Variants in ABL1 observed in about 807,000 individuals in gnomAD.
ABL1 encodes ABL proto-oncogene 1, non-receptor tyrosine kinase.
ABL1 carries 11 observed loss-of-function variants against 94.7 expected under a neutral mutation model. The observed-to-expected ratio is 0.12, with a 90% CI of 0.07 to 0.19. ABL1 has a LOEUF of 0.19. ABL1 is among the 10% of genes least tolerant of loss of function. The probability of loss-of-function intolerance (pLI) is 1.00; values close to 1 mark genes in which losing one functional copy is unlikely to be tolerated. For missense variants in ABL1, 1,082 were observed against 1,489.4 expected, an observed-to-expected ratio of 0.73 and a Z score of 4.50; for synonymous variants, 656 against 622.4, an observed-to-expected ratio of 1.05 and a Z score of -0.80.
At chr9:130,792,152 A>G (rs1829917113) in intron 1 of ABL1, among the ~76,000 whole-genome samples, 1 of 152,158 alleles carries the variant, frequency 6.6e-6, no homozygotes, top group African/African-American at 2.4e-5. Flanking sequence ...AAGTAGACAC[A>G]GGGTCCCTTG....
chr9:130,884,421 A>C lies in ABL1; in HGVS notation c.2131A>C (p.Lys711Gln), dbSNP rs756330681. Residue 711 changes from lysine to glutamine, a missense_variant, in exon 11 of 11, where the codon AAG becomes CAG. Physicochemically the swap from Lys to Gln is moderately conservative, Grantham distance 53. Around this residue, in one of 7 missense-constraint regions of ABL1, gnomAD observed 780 missense variants for 835.8 expected, o/e 0.93. Coordinates refer to ENST00000318560, the MANE Select transcript of ABL1 (RefSeq NM_005157.6). This position sits in a 1 kb window ranked among gnomAD's most constrained non-coding sequence, Gnocchi z 5.6. ...GEEEGGGSSS[K>Q]RFLRSCSASC... is the part of the protein sequence containing the mutation. ...GGAGGAGGGCGGTGGCAGCTCCAGC[A>C]AGCGCTTCCTGCGCTCTTGCTCCGC... 1.9e-6 allele frequency: 3 copies of C among 1,612,232 alleles called. No individual in the cohort carries two copies. In the Admixed American group the frequency reaches 5.0e-5, roughly 27 times the overall value.
At chr9:130,883,486 A>C (rs1588282517) in intron 10 of ABL1, among the ~76,000 whole-genome samples, 1 of 143,826 alleles carries the variant, frequency 7.0e-6, no homozygotes, top group Non-Finnish European at 1.5e-5. Flanking sequence ...AACAAGCGAG[A>C]CTCCAACTCA....
At chr9:130,736,307 G>A (rs1214495098) in intron 1 of ABL1, among the ~76,000 whole-genome samples, 3 of 151,880 alleles carry the variant, frequency 2.0e-5, no homozygotes, top group Admixed American at 1.3e-4. Flanking sequence ...ATTTTCTTCC[G>A]TAGACATCAT....
chr9:130,778,593 G>T (rs918375687), intron 1 of ABL1, among the ~76,000 whole-genome samples: 1 of 151,996 alleles, frequency 6.6e-6, no homozygotes, highest in Non-Finnish European at 1.5e-5. Flanking sequence ...CTTCTGGGCA[G>T]ATGGGCTTGA....
intron 1 of ABL1, among the ~76,000 whole-genome samples, chr9:130,718,877 A>G (rs1831480216): frequency 6.6e-6 from 1 of 152,120 alleles, no homozygotes; most frequent in Non-Finnish European, 1.5e-5. Context: ...GCAAGACCCC[A>G]TCTCAAAACA....
intron 1 of ABL1, among the ~76,000 whole-genome samples, chr9:130,721,822 G>GTTTTTTTTTT (rs746954089): frequency 3.3e-5 from 4 of 120,884 alleles, no homozygotes; most frequent in Non-Finnish European, 6.7e-5. Context: ...GTTTTTTTTT[G>GTTTTTTTTTT]TTTTTTTTTT....
At chr9:130,867,937 GTTT>G (rs34124714) in intron 4 of ABL1, among the ~76,000 whole-genome samples, 1 of 141,310 alleles carries the variant, frequency 7.1e-6, no homozygotes, top group African/African-American at 2.6e-5. Context: ...CCCTCCAGTG[GTTT>G]TTTTTTTTTT....
chr9:130,868,428 T>C (rs1831192901), intron 4 of ABL1, among the ~76,000 whole-genome samples: 1 of 152,100 alleles, frequency 6.6e-6, no homozygotes, highest in South Asian at 2.1e-4. Flanking sequence ...ATAATGGCCC[T>C]GCTCAGGGAG....
intron 1 of ABL1, among the ~76,000 whole-genome samples, chr9:130,841,784 C>G (rs1373730587): frequency 6.6e-6 from 1 of 151,994 alleles, no homozygotes; most frequent in Non-Finnish European, 1.5e-5. Context: ...TGTACTCCAG[C>G]CTGGGCAACG....
At chr9:130,783,791 G>GA (rs1266859774) in intron 1 of ABL1, among the ~76,000 whole-genome samples, 5 of 152,142 alleles carry the variant, frequency 3.3e-5, no homozygotes, top group African/African-American at 7.2e-5. Context: ...GAGTAGCTGG[G>GA]ATGACAGGCG....
In ABL1 at chr9:130,884,812, C is replaced by T. The variant is rs1831540245; in HGVS notation, c.2522C>T (p.Ala841Val). Residue 841 changes from alanine (A) to valine (V), a missense_variant, in exon 11 of 11, where the codon GCC becomes GTC. Ala to Val is a moderately conservative substitution (Grantham distance 64, BLOSUM62 0). Transcript: ENST00000318560. The surrounding 1 kb of genome is among the most constrained non-coding windows in gnomAD (Gnocchi z 5.6). Reference protein sequence around the residue: ...PHKEEAGKGSALGTPAAAEPV... With the variant: ...PHKEEAGKGSVLGTPAAAEPV... ...AAGGAAGAAGCTGGAAAGGGCAGTG[C>T]CTTAGGGACCCCTGCTGCAGCTGAG... The T allele has an allele frequency of 1.2e-6, 2 of 1,606,274 alleles. No homozygotes were observed.
upstream of ABL1, among the ~76,000 whole-genome samples, chr9:130,834,682 C>T (rs1434186510): frequency 1.3e-5 from 2 of 152,286 alleles, no homozygotes; most frequent in Admixed American, 6.5e-5. Context: ...CTGTTCGCAG[C>T]CTGACCTCAT....
intron 1 of ABL1, among the ~76,000 whole-genome samples, chr9:130,719,852 G>C (rs1319974277): frequency 6.6e-6 from 1 of 152,178 alleles, no homozygotes; most frequent in African/African-American, 2.4e-5. Context: ...TGTTGTTGAT[G>C]GTGAATCTGA....
chr9:130,880,274 A>T lies in ABL1; in HGVS notation c.1513+117A>T. On this transcript the variant is annotated intron_variant, in intron 9 of 10. Transcript: ENST00000318560. This position sits in a 1 kb window ranked among gnomAD's most constrained non-coding sequence, Gnocchi z 4.4. ...AGTTCACAGACCAGCCTGTCCTGAG[A>T]CCAGAAAGCTGGGCAGAGGTGTGGA... The T allele has an allele frequency of 8.1e-7, 1 of 1,229,338 alleles. No individual in the cohort carries two copies. Among genetic ancestry groups the T allele is most frequent in the South Asian group, 1.3e-5 (1 of 79,284 alleles). The allele number at this position is 1,229,338 out of a possible 1,614,324, so 76.2% of individuals were successfully genotyped here. A position where few individuals can be genotyped will look rare whatever the true frequency, so the allele number is the denominator to read the frequency against.
chr9:130,878,019 T>G (rs35752827), intron 7 of ABL1, among the ~76,000 whole-genome samples: 77 of 152,160 alleles, frequency 5.1e-4, no homozygotes, highest in African/African-American at 1.7e-3. Context: ...TTCACCATGT[T>G]AGCCAGGATG....
At chr9:130,721,187 T>C in intron 1 of ABL1, among the ~76,000 whole-genome samples, 1 of 151,904 alleles carries the variant, frequency 6.6e-6, no homozygotes, top group Non-Finnish European at 1.5e-5. Flanking sequence ...GAGACCACCC[T>C]GGCCAACATG....
intron 1 of ABL1, among the ~76,000 whole-genome samples, chr9:130,776,777 A>C (rs1241649882): frequency 6.6e-6 from 1 of 152,000 alleles, no homozygotes; most frequent in Non-Finnish European, 1.5e-5. Flanking sequence ...TTTTAATTTG[A>C]GACGGGTTCT....
At chr9:130,815,345 A>G (rs1241861588) in intron 1 of ABL1, among the ~76,000 whole-genome samples, 1 of 152,144 alleles carries the variant, frequency 6.6e-6, no homozygotes, top group Non-Finnish European at 1.5e-5. Context: ...AATGAAATAA[A>G]AATAAAAAAC....
intron 1 of ABL1, among the ~76,000 whole-genome samples, chr9:130,754,012 C>T (rs1381170994): frequency 6.8e-6 from 1 of 147,108 alleles, no homozygotes; most frequent in Admixed American, 6.8e-5. Flanking sequence ...CGAGACCAGT[C>T]TGGCCAACAT....
Sources: allele counts gnomAD v4.1 joint callset (sites outside exome capture counted in the v4.1 genomes callset), GRCh38; gene constraint gnomAD v4.1.1; regional missense constraint gnomAD v4.1.1; non-coding constraint Gnocchi (gnomAD v3.1); transcripts MANE v1.5; gene names NCBI Gene and HGNC (gene_info 2026-07-23, HGNC 2026-07-21).